The following CAB39L variants were observed in gnomAD, a reference collection of about 807,000 sequenced individuals.
CAB39L encodes calcium-binding protein 39-like.
A neutral mutation model predicts 39.1 loss-of-function variants in CAB39L; 23 were observed. The observed-to-expected ratio is 0.59, with a 90% CI of 0.42 to 0.83. The LOEUF (loss-of-function observed/expected upper bound fraction) is 0.83. CAB39L is among the 40% of genes least tolerant of loss of function. CAB39L has a pLI of 0.00. For synonymous variants in CAB39L, 126 were observed against 137.2 expected (o/e 0.92, Z 0.57); for missense variants, 366 against 391.9 (o/e 0.93, Z 0.56).
intron 4 of CAB39L, among the ~76,000 whole-genome samples, chr13:49,377,917 T>C (rs1362768361): frequency 2.9e-5 from 2 of 68,056 alleles, no homozygotes; most frequent in Non-Finnish European, 5.7e-5. Flanking sequence ...GGAGCGCCTC[T>C]TCCCAGCCGC....
At chr13:49,442,801 A>AC (rs1957557188) in intron 1 of CAB39L, among the ~76,000 whole-genome samples, 3 of 150,310 alleles carry the variant, frequency 2.0e-5, no homozygotes, top group African/African-American at 7.4e-5. Context: ...AAAAAAAAAA[A>AC]AAAAAAAAAA....
chr13:49,352,933 A>C (rs1232504544), intron 6 of CAB39L, among the ~76,000 whole-genome samples: 2 of 152,244 alleles, frequency 1.3e-5, no homozygotes, highest in African/African-American at 4.8e-5. Flanking sequence ...AAGATTATAG[A>C]ATTTTCATGA....
At chr13:49,328,161 G>T (rs1954555796) in intron 10 of CAB39L, among the ~76,000 whole-genome samples, 2 of 152,174 alleles carry the variant, frequency 1.3e-5, no homozygotes, top group South Asian at 4.1e-4. Context: ...GGTATCCACA[G>T]CTTCAAGAGT....
chr13:49,377,822 G>A (rs1400778148), intron 4 of CAB39L, among the ~76,000 whole-genome samples: 2 of 96,084 alleles, frequency 2.1e-5, no homozygotes, highest in South Asian at 3.2e-4. Flanking sequence ...ACCCCGTCTG[G>A]GATGTGAGGA....
intron 1 of CAB39L, among the ~76,000 whole-genome samples, chr13:49,440,481 A>G (rs1407965859): frequency 1.3e-5 from 2 of 152,114 alleles, no homozygotes; most frequent in African/African-American, 4.8e-5. Flanking sequence ...TACCAGTACC[A>G]TGCTTTTTTG....
At chr13:49,361,640 A>T (rs1384164676) in intron 5 of CAB39L, among the ~76,000 whole-genome samples, 3 of 152,168 alleles carry the variant, frequency 2.0e-5, no homozygotes, top group African/African-American at 7.2e-5. Context: ...TTCCAGTCTC[A>T]TCAGCTAACT....
chr13:49,443,261 C>T (rs1173275397), intron 1 of CAB39L, among the ~76,000 whole-genome samples: 2 of 151,668 alleles, frequency 1.3e-5, no homozygotes, highest in African/African-American at 4.9e-5. Context: ...ATATCGTTAT[C>T]GGGGAAATCA....
intron 1 of CAB39L, among the ~76,000 whole-genome samples, chr13:49,439,163 T>C (rs1328896875): frequency 6.6e-6 from 1 of 152,208 alleles, no homozygotes; most frequent in Admixed American, 6.5e-5. Context: ...CAATCATCAC[T>C]TTAAACTGTC....
chr13:49,340,129 C>T (rs1264057907), intron 8 of CAB39L, among the ~76,000 whole-genome samples: 4 of 152,176 alleles, frequency 2.6e-5, no homozygotes, highest in Non-Finnish European at 5.9e-5. Flanking sequence ...CTTGGCAAGC[C>T]ATAAAGAATC....
chr13:49,367,489 T>C (rs1374839426), intron 5 of CAB39L, among the ~76,000 whole-genome samples: 1 of 152,226 alleles, frequency 6.6e-6, no homozygotes, highest in Admixed American at 6.5e-5. Context: ...CAGCTAACCA[T>C]AACAGCAATT....
At chr13:49,356,915 G>A (rs552089456) in intron 6 of CAB39L, among the ~76,000 whole-genome samples, 1 of 152,218 alleles carries the variant, frequency 6.6e-6, no homozygotes, top group Non-Finnish European at 1.5e-5. Flanking sequence ...GAGGCGTGGT[G>A]GCATGGGCCT....
intron 4 of CAB39L, among the ~76,000 whole-genome samples, chr13:49,381,306 G>A (rs1956248628): frequency 1.3e-5 from 2 of 152,170 alleles, no homozygotes; most frequent in South Asian, 4.1e-4. Flanking sequence ...AAGACCGGAA[G>A]CATCTTAAAT....
chr13:49,329,545 ATATATATATATAT>A (rs1358968544), intron 10 of CAB39L, among the ~76,000 whole-genome samples: 1,144 of 84,468 alleles, frequency 0.014, 117 homozygotes, highest in South Asian at 0.026. Context: ...AAAAAAAAAA[ATATATATATATAT>A]ATATATATAT....
chr13:49,434,061 C>G, intron 2 of CAB39L, 25 bp downstream of exon 2: 1 of 432,654 alleles, frequency 2.3e-6, no homozygotes. Flanking sequence ...GCTTGTTTCC[C>G]CATCAGAAAT....
At chr13:49,404,826 T>C (rs1956838769) in intron 3 of CAB39L, among the ~76,000 whole-genome samples, 1 of 152,030 alleles carries the variant, frequency 6.6e-6, no homozygotes, top group Non-Finnish European at 1.5e-5. Context: ...GCAGAATTGA[T>C]CAAGCAGCAG....
intron 3 of CAB39L, among the ~76,000 whole-genome samples, chr13:49,422,243 C>T (rs867410671): frequency 2.8e-4 from 43 of 151,914 alleles, no homozygotes; most frequent in African/African-American, 9.7e-4. Flanking sequence ...TAAGTATTTC[C>T]AAGGAATTTT....
chr13:49,322,937 T>C (rs1226799588), intron 10 of CAB39L, among the ~76,000 whole-genome samples: 1 of 152,238 alleles, frequency 6.6e-6, no homozygotes, highest in Non-Finnish European at 1.5e-5. Flanking sequence ...ATTATGATAT[T>C]CTATGAAACA....
intron 1 of CAB39L, among the ~76,000 whole-genome samples, chr13:49,441,954 G>A (rs567340556): frequency 6.6e-6 from 1 of 152,280 alleles, no homozygotes; most frequent in South Asian, 2.1e-4. Flanking sequence ...CTGTCAAATT[G>A]TCTTCTAGGT....
At chr13:49,424,675 T>C (rs1276132715) in intron 3 of CAB39L, among the ~76,000 whole-genome samples, 1 of 152,242 alleles carries the variant, frequency 6.6e-6, no homozygotes, top group Non-Finnish European at 1.5e-5. Context: ...CTTCGCAATT[T>C]TTCTGTAAAT....
Sources: allele counts gnomAD v4.1 joint callset (sites outside exome capture counted in the v4.1 genomes callset), GRCh38; gene constraint gnomAD v4.1.1; transcripts MANE v1.5; gene names NCBI Gene and HGNC (gene_info 2026-07-23, HGNC 2026-07-21).